Variants in PEBP4 observed in about 807,000 individuals in gnomAD.
PEBP4 encodes phosphatidylethanolamine binding protein 4.
Under a neutral mutation model 23.9 loss-of-function variants are expected in PEBP4, and 22 were observed. That is an observed-to-expected ratio of 0.92 (90% CI 0.66 to 1.31). The LOEUF is 1.31. PEBP4 is among the 40% of genes most tolerant of loss of function. PEBP4 has a pLI of 0.00. For missense variants in PEBP4, 324 were observed against 281.7 expected (o/e 1.15, Z -1.07); for synonymous variants, 112 against 99.3 (o/e 1.13, Z -0.76).
In PEBP4 at chr8:22,846,697, G is replaced by A. The variant is rs571628537; in HGVS notation, c.259-28962C>T. Among the ~76,000 whole-genome samples, 55 of 152,278 alleles carry A rather than the reference G, an allele frequency of 3.6e-4. No homozygotes were observed. The South Asian group carries it at 4.8e-3, about 13-fold the overall frequency. On this transcript the variant is annotated intron_variant, in intron 3 of 6. Transcript: ENST00000256404. ...TCATGAGGTTGAACCCACTGGGCCCGGAGTCTCCAGTTCCCTGCCCACATC... is the reference window on the plus strand; with the variant it reads ...TCATGAGGTTGAACCCACTGGGCCCAGAGTCTCCAGTTCCCTGCCCACATC...
chr8:22,898,010 G>A (rs1229757577), intron 3 of PEBP4, among the ~76,000 whole-genome samples: 1 of 152,070 alleles, frequency 6.6e-6, no homozygotes, highest in African/African-American at 2.4e-5. Flanking sequence ...GCCAAGGAGG[G>A]AGCCCTCATC....
At chr8:22,897,936 C>T (rs540861399) in intron 3 of PEBP4, 66 of 152,222 alleles carry the variant, frequency 4.3e-4, no homozygotes, top group African/African-American at 1.5e-3. Context: ...TAAGAAAAGA[C>T]CCCAGAGACC....
At chr8:22,736,621 G>A (rs1297844316) in intron 4 of PEBP4, among the ~76,000 whole-genome samples, 1 of 151,978 alleles carries the variant, frequency 6.6e-6, no homozygotes, top group African/African-American at 2.4e-5. Context: ...AAAAAAAGTA[G>A]GCAGAAATAT....
rs558341452 is a variant in PEBP4 at position 22,764,883 on chromosome 8, T to A, written c.358-37663A>T. Among the ~76,000 whole-genome samples, 5 of 152,148 alleles carry A rather than the reference T, an allele frequency of 3.3e-5. No individual in the cohort carries two copies. In the East Asian group the frequency reaches 9.7e-4, roughly 29 times the overall value. On this transcript the variant is annotated intron_variant, in intron 4 of 6. Coordinates refer to ENST00000256404, the MANE Select transcript of PEBP4 (RefSeq NM_144962.3). ...CCCCAATCCAGGTTCCAAGCACATC[T>A]GGGCATGGAGGTTGCAATCCTTGGG... is the stretch of plus-strand genomic sequence containing the variant.
At chr8:22,924,458 GGGGCA>G (rs1809280588) in intron 2 of PEBP4, among the ~76,000 whole-genome samples, 2 of 152,164 alleles carry the variant, frequency 1.3e-5, no homozygotes, top group South Asian at 4.1e-4. Context: ...TGGGGATGAA[GGGGCA>G]GGGCAGGGCA....
chr8:22,831,498 A>G (rs1807082864), intron 3 of PEBP4, among the ~76,000 whole-genome samples: 1 of 152,110 alleles, frequency 6.6e-6, no homozygotes, highest in South Asian at 2.1e-4. Context: ...TTCAACAAGC[A>G]TTGATTGAGC....
intron 4 of PEBP4, among the ~76,000 whole-genome samples, chr8:22,814,686 C>T (rs1490212501): frequency 2.0e-5 from 3 of 152,194 alleles, no homozygotes; most frequent in Admixed American, 1.3e-4. Context: ...GGGCCATGGT[C>T]CCTCTCTGTC....
chr8:22,924,766 G>A, intron 2 of PEBP4: 4 of 985,374 alleles, frequency 4.1e-6, no homozygotes, highest in Non-Finnish European at 4.8e-6. Context: ...GAGAATCATG[G>A]TTCTTTCCAT....
At chr8:22,900,428 C>T (rs977996217) in intron 3 of PEBP4, among the ~76,000 whole-genome samples, 1 of 152,114 alleles carries the variant, frequency 6.6e-6, no homozygotes, top group Non-Finnish European at 1.5e-5. Flanking sequence ...GTGGGCGGAT[C>T]ACTTGAGGCC....
At chr8:22,804,385 C>T (rs1397816092) in intron 4 of PEBP4, among the ~76,000 whole-genome samples, 1 of 152,200 alleles carries the variant, frequency 6.6e-6, no homozygotes, top group Non-Finnish European at 1.5e-5. Flanking sequence ...AGTCCTCCCA[C>T]AGTCTGTGTG....
chr8:22,930,547 G>A (rs768514906), upstream of PEBP4, among the ~76,000 whole-genome samples: 5 of 152,004 alleles, frequency 3.3e-5, no homozygotes, highest in African/African-American at 1.2e-4. Context: ...CATGACACAC[G>A]CCACTTCCGT....
intron 4 of PEBP4, among the ~76,000 whole-genome samples, chr8:22,797,587 G>A (rs1806290163): frequency 6.6e-6 from 1 of 152,208 alleles, no homozygotes; most frequent in Non-Finnish European, 1.5e-5. Flanking sequence ...TAAGTGAAGA[G>A]GTTTGAAGGT....
chr8:22,746,919 C>T (rs899046282), intron 4 of PEBP4, among the ~76,000 whole-genome samples: 5 of 152,276 alleles, frequency 3.3e-5, no homozygotes, highest in Middle Eastern at 3.4e-3. Flanking sequence ...GGCGTAATTA[C>T]GGCTCAAGTG....
intron 3 of PEBP4, among the ~76,000 whole-genome samples, chr8:22,827,890 TTGTC>T (rs1191138150): frequency 7.9e-5 from 12 of 152,236 alleles, no homozygotes; most frequent in African/African-American, 2.9e-4. Context: ...ACACTTATAA[TTGTC>T]TGTCTTTTGA....
intron 3 of PEBP4, among the ~76,000 whole-genome samples, chr8:22,882,528 A>G (rs1365732206): frequency 6.6e-6 from 1 of 152,234 alleles, no homozygotes; most frequent in Non-Finnish European, 1.5e-5. Context: ...TCATGAACAG[A>G]GGGAGGCCTC....
rs190204379 is a variant in PEBP4, at chr8:22,912,038, G to T, written c.258+8146C>A. On this transcript the variant is annotated intron_variant, in intron 3 of 6. Coordinates refer to ENST00000256404, the MANE Select transcript of PEBP4 (RefSeq NM_144962.3). ...GACTGGGGGTGGCGGATTGGGTAAG[G>T]GGGGGCGCTGTTTGATTAAAAGCTG... Among the ~76,000 whole-genome samples the T allele has an allele frequency of 4.0e-3, 603 of 152,184 alleles. 4 individuals carry two copies. Among genetic ancestry groups the T allele is most frequent in the Middle Eastern group, 0.024 (7 of 294 alleles).
At chr8:22,792,106 G>A (rs1372394312) in intron 4 of PEBP4, among the ~76,000 whole-genome samples, 1 of 151,540 alleles carries the variant, frequency 6.6e-6, no homozygotes, top group Non-Finnish European at 1.5e-5. Context: ...GGATCCACCT[G>A]CCCCAGCCTC....
At chr8:22,763,028 C>G (rs577865067) in intron 4 of PEBP4, among the ~76,000 whole-genome samples, 4 of 149,996 alleles carry the variant, frequency 2.7e-5, no homozygotes, top group East Asian at 1.9e-4. Context: ...TTTTTGAGAT[C>G]GGGTCTTGCT....
intron 3 of PEBP4, among the ~76,000 whole-genome samples, chr8:22,875,286 T>C (rs1010011734): frequency 6.6e-6 from 1 of 152,156 alleles, no homozygotes; most frequent in Non-Finnish European, 1.5e-5. Context: ...ATAATGTATA[T>C]GTGAGCCCCT....
Sources: allele counts gnomAD v4.1 joint callset (sites outside exome capture counted in the v4.1 genomes callset), GRCh38; gene constraint gnomAD v4.1.1; transcripts MANE v1.5; gene names NCBI Gene and HGNC (gene_info 2026-07-23, HGNC 2026-07-21).